DPP6: variants seen among roughly 807,000 people sequenced by gnomAD.
DPP6 encodes the protein A-type potassium channel modulatory protein DPP6.
Under a neutral mutation model 122.6 loss-of-function variants are expected in DPP6, and 69 were observed. The ratio of observed to expected loss-of-function variants is 0.56; its 90% CI spans 0.46 to 0.69. The LOEUF (loss-of-function observed/expected upper bound fraction) is 0.69. DPP6 is among the 30% of genes least tolerant of loss of function. The probability of loss-of-function intolerance (pLI) is 0.00; values close to 1 mark genes in which losing one functional copy is unlikely to be tolerated. For missense variants in DPP6, 928 were observed against 1,116.9 expected (o/e 0.83, Z 2.41); for synonymous variants, 418 against 433.1 (o/e 0.97, Z 0.43).
intron 1 of DPP6, among the ~76,000 whole-genome samples, chr7:154,114,853 A>T (rs1232864323): frequency 1.3e-5 from 2 of 152,140 alleles, no homozygotes; most frequent in African/African-American, 4.8e-5. Flanking sequence ...ACATCTGAGC[A>T]TTCATATCTG....
intron 18 of DPP6, among the ~76,000 whole-genome samples, chr7:154,870,705 G>A (rs534682091): frequency 2.0e-5 from 3 of 151,772 alleles, no homozygotes; most frequent in Admixed American, 1.3e-4. Flanking sequence ...GCTCACGCCT[G>A]TAATCCCAGC....
intron 1 of DPP6, among the ~76,000 whole-genome samples, chr7:154,251,438 TAGTC>T (rs1245062309): frequency 6.6e-6 from 1 of 152,184 alleles, no homozygotes; most frequent in African/African-American, 2.4e-5. Context: ...GATGGCATAT[TAGTC>T]AGGGTTCTCT....
intron 18 of DPP6, among the ~76,000 whole-genome samples, chr7:154,872,232 T>C (rs1233935313): frequency 1.3e-5 from 2 of 152,204 alleles, no homozygotes; most frequent in African/African-American, 4.8e-5. Flanking sequence ...CTCCCAAATA[T>C]CCATCCCCAG....
At chr7:154,184,622 G>A (rs534016063) in intron 1 of DPP6, among the ~76,000 whole-genome samples, 1 of 151,840 alleles carries the variant, frequency 6.6e-6, no homozygotes, top group African/African-American at 2.4e-5. Flanking sequence ...AGCAATTTTG[G>A]AGGGTGAGTA....
intron 1 of DPP6, among the ~76,000 whole-genome samples, chr7:154,312,735 A>G (rs1238198100): frequency 2.0e-5 from 3 of 152,232 alleles, no homozygotes; most frequent in African/African-American, 7.2e-5. Flanking sequence ...TCTTGTGGAC[A>G]TGCTCATAAG....
At chr7:154,786,874 C>T (rs1004121974) in intron 10 of DPP6, among the ~76,000 whole-genome samples, 5 of 152,144 alleles carry the variant, frequency 3.3e-5, no homozygotes, top group Admixed American at 1.3e-4. Flanking sequence ...GAGTCTCATA[C>T]GATGCTTTAC....
rs187826643 is a variant in DPP6 at position 154,386,306 on chromosome 7, C to A, written c.244-59908C>A. Among the ~76,000 whole-genome samples, 3 of 152,214 alleles carry A rather than the reference C, an allele frequency of 2.0e-5. No homozygotes were observed. In the East Asian group the frequency reaches 5.8e-4, roughly 29 times the overall value. On this transcript the variant is annotated intron_variant, in intron 1 of 25. Transcript: ENST00000377770. The stretch of plus-strand genomic sequence containing the variant: ...ATCCGTTTGTGTTCCTCCTGCCCCC[C>A]ACCCCCACCATGCTTCTGTCTGTCT...
chr7:153,811,710 A>G, the DPP6 span, among the ~76,000 whole-genome samples: 1 of 151,982 alleles, frequency 6.6e-6, no homozygotes, highest in African/African-American at 2.4e-5. Flanking sequence ...CTGCTCTTAA[A>G]GTCACAAAAC....
chr7:154,425,611 T>TGTGTGTGG (rs1586232029), intron 1 of DPP6, among the ~76,000 whole-genome samples: 1 of 113,986 alleles, frequency 8.8e-6, no homozygotes, highest in South Asian at 2.6e-4. Flanking sequence ...AAAATGTGTG[T>TGTGTGTGG]GTGTGTGTGG....
intron 1 of DPP6, among the ~76,000 whole-genome samples, chr7:154,335,035 C>T (rs1585976060): frequency 7.4e-6 from 1 of 134,812 alleles, no homozygotes; most frequent in East Asian, 2.3e-4. Context: ...CTTCCTGGGA[C>T]TGAAATGATG....
chr7:154,575,544 G>A (rs1376091266), intron 5 of DPP6, among the ~76,000 whole-genome samples: 1 of 139,688 alleles, frequency 7.2e-6, no homozygotes, highest in Non-Finnish European at 1.5e-5. Flanking sequence ...TATGTGGTGT[G>A]TGTGGTGTGT....
chr7:154,340,311 A>G lies in DPP6; in HGVS notation c.244-105903A>G, dbSNP rs144708106. Among the ~76,000 whole-genome samples the G allele has an allele frequency of 1.6e-4, 24 of 152,352 alleles. No individual in the cohort carries two copies. In the East Asian group the frequency reaches 3.3e-3, roughly 21 times the overall value. ...ATTTGTATTCTGTGAACATATTGCA[A>G]TGTACAAGCAGCTGAACAATGAAAT... On this transcript the variant is annotated intron_variant, in intron 1 of 25. Coordinates refer to ENST00000377770, the MANE Select transcript of DPP6 (RefSeq NM_130797.4).
chr7:154,135,530 T>A (rs1795507169), intron 1 of DPP6, among the ~76,000 whole-genome samples: 1 of 151,994 alleles, frequency 6.6e-6, no homozygotes, highest in South Asian at 2.1e-4. Context: ...ATCTGTAAAC[T>A]TCCTGTGAGC....
chr7:154,374,602 GT>G (rs753766122), intron 1 of DPP6, among the ~76,000 whole-genome samples: 2 of 63,012 alleles, frequency 3.2e-5, no homozygotes, highest in Admixed American at 1.9e-4. Context: ...TTCTTTTTCT[GT>G]TTTTTTTCTT....
intron 18 of DPP6, among the ~76,000 whole-genome samples, chr7:154,871,836 G>T (rs895088355): frequency 2.0e-5 from 3 of 152,214 alleles, no homozygotes; most frequent in African/African-American, 7.2e-5. Context: ...TGGTAATCTG[G>T]GTTGTAGTTA....
intron 1 of DPP6, among the ~76,000 whole-genome samples, chr7:154,110,507 G>T (rs1301977966): frequency 2.6e-5 from 4 of 152,122 alleles, no homozygotes; most frequent in Non-Finnish European, 4.4e-5. Context: ...AAGAAGGACA[G>T]AAATCAGAGA....
At chr7:154,814,442 TC>T (rs1799288947) in intron 16 of DPP6, among the ~76,000 whole-genome samples, 1 of 152,158 alleles carries the variant, frequency 6.6e-6, no homozygotes, top group African/African-American at 2.4e-5. Context: ...GGCTGTGTAT[TC>T]ACCCGCAGAC....
At chr7:154,741,092 G>A (rs1028805478) in intron 8 of DPP6, among the ~76,000 whole-genome samples, 2 of 152,324 alleles carry the variant, frequency 1.3e-5, no homozygotes, top group Middle Eastern at 3.4e-3. Context: ...TGTGCGTTAG[G>A]ACCAGAGTGG....
intron 1 of DPP6, among the ~76,000 whole-genome samples, chr7:153,984,628 C>A (rs1164893472): frequency 2.6e-5 from 4 of 152,104 alleles, no homozygotes; most frequent in Non-Finnish European, 4.4e-5. Flanking sequence ...ATTCGCATAG[C>A]TGAATTAGGA....
Sources: allele counts gnomAD v4.1 joint callset (sites outside exome capture counted in the v4.1 genomes callset), GRCh38; gene constraint gnomAD v4.1.1; transcripts MANE v1.5; gene names NCBI Gene and HGNC (gene_info 2026-07-23, HGNC 2026-07-21).